The following PKNOX2 variants were observed in gnomAD, a reference collection of about 807,000 sequenced individuals.
The protein encoded by PKNOX2 is homeobox protein PKNOX2.
Under a neutral mutation model 53.1 loss-of-function variants are expected in PKNOX2, and 14 were observed. The ratio of observed to expected loss-of-function variants is 0.26; its 90% confidence interval spans 0.17 to 0.41. The LOEUF (loss-of-function observed/expected upper bound fraction) is 0.41. PKNOX2 is among the 10% of genes least tolerant of loss of function. The pLI is 1.00. For synonymous variants in PKNOX2, 257 were observed against 242.8 expected (o/e 1.06, Z -0.54); for missense variants, 496 against 602.8 (o/e 0.82, Z 1.85).
intron 1 of PKNOX2, among the ~76,000 whole-genome samples, chr11:125,199,493 C>T (rs1157226913): frequency 2.6e-5 from 4 of 152,156 alleles, no homozygotes; most frequent in South Asian, 4.1e-4. Context: ...CAAAAGAAAA[C>T]AGTGTGGCAT....
intron 7 of PKNOX2, among the ~76,000 whole-genome samples, chr11:125,409,672 G>A (rs1565519195): frequency 6.6e-6 from 1 of 152,126 alleles, no homozygotes; most frequent in Admixed American, 6.5e-5. Context: ...CGGGGGACGG[G>A]AAAGCATCAG....
chr11:125,199,033 G>A (rs1376209435), intron 1 of PKNOX2, among the ~76,000 whole-genome samples: 4 of 152,050 alleles, frequency 2.6e-5, no homozygotes, highest in African/African-American at 4.8e-5. Flanking sequence ...TAGAGACAGG[G>A]TTTTGTCATG....
At chr11:125,217,541 AG>A (rs1940664295) in intron 1 of PKNOX2, among the ~76,000 whole-genome samples, 1 of 152,228 alleles carries the variant, frequency 6.6e-6, no homozygotes, top group African/African-American at 2.4e-5. Context: ...GCATGGAAAC[AG>A]GTAGAAGCCA....
At chr11:125,286,615 G>A (rs769081750) in intron 2 of PKNOX2, among the ~76,000 whole-genome samples, 2 of 152,204 alleles carry the variant, frequency 1.3e-5, no homozygotes, top group African/African-American at 2.4e-5. Flanking sequence ...CCACTGCCAG[G>A]CCTGGTGTCG....
At chr11:125,382,047 G>A (rs924919579) in intron 5 of PKNOX2, among the ~76,000 whole-genome samples, 8 of 152,078 alleles carry the variant, frequency 5.3e-5, no homozygotes, top group Non-Finnish European at 7.4e-5. Context: ...CAGATGTCCC[G>A]TCCTTACCCC....
At chr11:125,279,179 A>C (rs1320905919) in intron 2 of PKNOX2, among the ~76,000 whole-genome samples, 2 of 152,164 alleles carry the variant, frequency 1.3e-5, no homozygotes, top group African/African-American at 2.4e-5. Context: ...GCTTGTGGGC[A>C]TGCCTGTGTG....
chr11:125,223,726 C>A lies in PKNOX2; in HGVS notation c.-200-11319C>A, dbSNP rs376754936. ...CAGAAGATTAAAAAACAAAAAAAAA[C>A]AACTGTCCTCTTTCCTCCAGTATTT... On this transcript the variant is annotated intron_variant, in intron 1 of 12. Coordinates refer to ENST00000298282, the MANE Select transcript of PKNOX2 (RefSeq NM_001382323.2). 4.6e-5 allele frequency among the ~76,000 whole-genome samples: 7 copies of A among 152,024 alleles called. No individual in the cohort carries two copies. The East Asian group carries it at 7.7e-4, about 17-fold the overall frequency.
At chr11:125,341,359 CA>C (rs375652054) in intron 3 of PKNOX2, among the ~76,000 whole-genome samples, 235 of 102,876 alleles carry the variant, frequency 2.3e-3, no homozygotes, top group Non-Finnish European at 2.1e-3. Flanking sequence ...GATTCCGTCT[CA>C]AAAAAAAAAA....
intron 1 of PKNOX2, chr11:125,190,896 T>C (rs186475082): frequency 5.9e-5 from 9 of 152,374 alleles, no homozygotes; most frequent in Non-Finnish European, 1.3e-4. Context: ...ATGTACTGCC[T>C]CATGACTTTT....
chr11:125,239,268 G>C (rs1480340489), intron 2 of PKNOX2, among the ~76,000 whole-genome samples: 1 of 152,188 alleles, frequency 6.6e-6, no homozygotes, highest in South Asian at 2.1e-4. Flanking sequence ...GCAATAAAGA[G>C]GCAAAACACT....
At chr11:125,293,137 G>T (rs1054741553) in intron 2 of PKNOX2, among the ~76,000 whole-genome samples, 8 of 152,064 alleles carry the variant, frequency 5.3e-5, no homozygotes, top group Non-Finnish European at 1.0e-4. Flanking sequence ...ATTGCCTCTG[G>T]GGGTGGGGTG....
intron 10 of PKNOX2, among the ~76,000 whole-genome samples, chr11:125,416,940 C>A (rs994459856): frequency 3.9e-5 from 6 of 151,990 alleles, no homozygotes; most frequent in African/African-American, 1.5e-4. Flanking sequence ...ATAGAAGGCT[C>A]CTGAGATGGA....
rs1284074990 is a variant in PKNOX2, at chr11:125,165,414, C to T, written c.-201+638C>T. Among the ~76,000 whole-genome samples the T allele has an allele frequency of 5.9e-5, 9 of 152,152 alleles. No individual in the cohort carries two copies. Among genetic ancestry groups the T allele is most frequent in the Non-Finnish European group, 1.2e-4 (8 of 68,016 alleles). Reference sequence around the variant, plus strand: ...GGGCAGGCTCCAGGTTCTCTTTCTCCCGGCTTCGGGCGTCCTTGGGGCCGG... The same window carrying T: ...GGGCAGGCTCCAGGTTCTCTTTCTCTCGGCTTCGGGCGTCCTTGGGGCCGG... On this transcript the variant is annotated intron_variant, in intron 1 of 12. Transcript: ENST00000298282. This position sits in a 1 kb window ranked among gnomAD's most constrained non-coding sequence, Gnocchi z 4.5.
At chr11:125,425,790 C>T (rs567440335) in intron 10 of PKNOX2, among the ~76,000 whole-genome samples, 5 of 152,330 alleles carry the variant, frequency 3.3e-5, no homozygotes, top group East Asian at 3.9e-4. Flanking sequence ...GAGGCGTGTA[C>T]GAGCTGGACT....
At chr11:125,251,443 A>G (rs1489804608) in intron 2 of PKNOX2, among the ~76,000 whole-genome samples, 2 of 152,256 alleles carry the variant, frequency 1.3e-5, no homozygotes, top group African/African-American at 4.8e-5. Flanking sequence ...TGGAAGGAAG[A>G]CATTTAAACA....
rs764521703 is a variant in PKNOX2 at position 125,417,446 on chromosome 11, C to T, written c.936+5581C>T. On this transcript the variant is annotated intron_variant, in intron 10 of 12. Transcript: ENST00000298282. ...CCGGGTTCTGCACTAAACACTGTAA[C>T]GCATCATCTCATTTAACCCACACAA... Among the ~76,000 whole-genome samples the T allele has an allele frequency of 7.2e-5, 11 of 152,142 alleles. No homozygotes were observed. The South Asian group carries it at 8.3e-4, about 11-fold the overall frequency.
chr11:125,267,758 T>C (rs1255735182), intron 2 of PKNOX2, among the ~76,000 whole-genome samples: 1 of 143,216 alleles, frequency 7.0e-6, no homozygotes, highest in Non-Finnish European at 1.5e-5. Context: ...CGCGTGTGTG[T>C]GTGCATGTGT....
At chr11:125,412,354 C>T (rs1955612501) in intron 10 of PKNOX2, among the ~76,000 whole-genome samples, 1 of 152,210 alleles carries the variant, frequency 6.6e-6, no homozygotes. Context: ...AGGCTGGAAT[C>T]CTGGCTCCTC....
intron 5 of PKNOX2, among the ~76,000 whole-genome samples, chr11:125,380,482 G>A (rs1431701556): frequency 6.6e-6 from 1 of 152,068 alleles, no homozygotes; most frequent in African/African-American, 2.4e-5. Flanking sequence ...CTCTTATGGA[G>A]GTCACATGTC....
Sources: allele counts gnomAD v4.1 joint callset (sites outside exome capture counted in the v4.1 genomes callset), GRCh38; gene constraint gnomAD v4.1.1; non-coding constraint Gnocchi (gnomAD v3.1); transcripts MANE v1.5; gene names NCBI Gene and HGNC (gene_info 2026-07-23, HGNC 2026-07-21).